The following SGCZ variants were observed in gnomAD, a reference collection of about 807,000 sequenced individuals.
SGCZ encodes sarcoglycan zeta.
In SGCZ, 40 loss-of-function variants were observed where a neutral mutation model predicts 41.3. That is an observed-to-expected ratio of 0.97 (90% CI 0.75 to 1.26). The LOEUF is 1.26. SGCZ is among the 50% of genes most tolerant of loss of function. The probability of loss-of-function intolerance (pLI) is 0.00; values close to 1 mark genes in which losing one functional copy is unlikely to be tolerated. For synonymous variants in SGCZ, 206 were observed against 137.5 expected, an observed-to-expected ratio of 1.50 and a Z score of -3.49; for missense variants, 552 against 369.8, an observed-to-expected ratio of 1.49 and a Z score of -4.04.
intron 1 of SGCZ, among the ~76,000 whole-genome samples, chr8:14,582,988 T>C (rs567804987): frequency 2.0e-5 from 3 of 151,856 alleles, no homozygotes; most frequent in East Asian, 3.9e-4. Context: ...TGTGTCTTTA[T>C]AGCAGCATGA....
intron 5 of SGCZ, among the ~76,000 whole-genome samples, chr8:14,140,020 G>T (rs987568046): frequency 3.9e-5 from 6 of 151,912 alleles, no homozygotes; most frequent in Non-Finnish European, 8.8e-5. Flanking sequence ...GGGATGCAAG[G>T]CTGGTTCAAC....
At chr8:14,466,750 A>G (rs1801061768) in intron 2 of SGCZ, among the ~76,000 whole-genome samples, 1 of 151,740 alleles carries the variant, frequency 6.6e-6, no homozygotes, top group African/African-American at 2.4e-5. Context: ...AAATCCTCTA[A>G]TAACTTTTTG....
intron 1 of SGCZ, among the ~76,000 whole-genome samples, chr8:14,817,344 A>G (rs1239164426): frequency 2.0e-5 from 3 of 152,248 alleles, no homozygotes; most frequent in African/African-American, 7.2e-5. Flanking sequence ...CACAAAATAC[A>G]AGCAATCTTT....
intron 1 of SGCZ, among the ~76,000 whole-genome samples, chr8:14,978,055 T>C (rs1801538474): frequency 6.6e-6 from 1 of 152,166 alleles, no homozygotes; most frequent in African/African-American, 2.4e-5. Context: ...CTGAAGTTTC[T>C]TTTCCTGTCG....
chr8:14,515,506 T>C (rs994889656), intron 2 of SGCZ, among the ~76,000 whole-genome samples: 10 of 152,104 alleles, frequency 6.6e-5, no homozygotes, highest in Non-Finnish European at 8.8e-5. Context: ...TATTTCTATA[T>C]AGTCAAGTAC....
At chr8:14,482,469 C>A (rs1022837280) in intron 2 of SGCZ, among the ~76,000 whole-genome samples, 2 of 152,126 alleles carry the variant, frequency 1.3e-5, no homozygotes, top group African/African-American at 4.8e-5. Flanking sequence ...CCTTACCGCT[C>A]TCAGAAACAA....
rs563338239 is a variant in SGCZ at position 14,731,293 on chromosome 8, C to T, written c.40-176367G>A. ...AGCAAACTAACACAGGAACAGAAAA[C>T]CAAACACCACATGTTCCCACTCATA... On this transcript the variant is annotated intron_variant, in intron 1 of 7. Transcript: ENST00000382080. Among the ~76,000 whole-genome samples the T allele has an allele frequency of 1.3e-4, 20 of 148,706 alleles. 1 individual carries two copies. The highest frequency in any genetic ancestry group is 5.0e-4 in the African/African-American group (20 of 39,694).
intron 4 of SGCZ, among the ~76,000 whole-genome samples, chr8:14,182,330 A>C (rs976355535): frequency 1.3e-5 from 2 of 152,192 alleles, no homozygotes; most frequent in Non-Finnish European, 2.9e-5. Flanking sequence ...GAATCCATAC[A>C]TCCTGGAGAG....
At chr8:14,107,562 T>C (rs1305693675) in intron 6 of SGCZ, among the ~76,000 whole-genome samples, 3 of 152,184 alleles carry the variant, frequency 2.0e-5, no homozygotes, top group African/African-American at 7.2e-5. Flanking sequence ...ATTTGCCCTG[T>C]CTTTATTCCT....
intron 1 of SGCZ, among the ~76,000 whole-genome samples, chr8:15,058,648 C>T (rs563003154): frequency 6.6e-6 from 1 of 152,272 alleles, no homozygotes; most frequent in South Asian, 2.1e-4. Flanking sequence ...AGCTCTTCTT[C>T]CCAGATGTTT....
Position 14,090,447 on chromosome 8 carries a change from C to T in SGCZ, c.935G>A (p.Ser312Asn). 6.2e-7 allele frequency: 1 copy of T among 1,611,344 alleles called. No individual in the cohort carries two copies. The highest frequency in any genetic ancestry group is 8.5e-7 in the Non-Finnish European group (1 of 1,178,624). ...CQSSSNICLW[S>N] Reference sequence around the variant, plus strand: ...TGTGAGGAGAAATCAGTCACTTCAGCTCCACAGGCAGATGTTGCTACTGGA... The same window carrying T: ...TGTGAGGAGAAATCAGTCACTTCAGTTCCACAGGCAGATGTTGCTACTGGA... The change falls in exon 8 of 8, where the codon AGC (serine) becomes AAC (asparagine). Residue 312 changes from serine (S) to asparagine (N), a missense_variant. Physicochemically the swap from Ser to Asn is conservative, Grantham distance 46 (BLOSUM62 1). Coordinates refer to ENST00000382080, the MANE Select transcript of SGCZ (RefSeq NM_139167.4).
chr8:14,692,484 A>G (rs1808830447), intron 1 of SGCZ, among the ~76,000 whole-genome samples: 1 of 152,172 alleles, frequency 6.6e-6, no homozygotes, highest in Non-Finnish European at 1.5e-5. Context: ...AATACCATAT[A>G]GGAAAGTAAT....
chr8:15,143,440 T>G (rs78188834), intron 1 of SGCZ, among the ~76,000 whole-genome samples: 1 of 152,222 alleles, frequency 6.6e-6, no homozygotes, highest in African/African-American at 2.4e-5. Flanking sequence ...ATGAAATGTA[T>G]TTAAGAGAAT....
At chr8:14,353,545 G>A (rs938639188) in intron 2 of SGCZ, among the ~76,000 whole-genome samples, 9 of 152,114 alleles carry the variant, frequency 5.9e-5, no homozygotes, top group East Asian at 5.8e-4. Context: ...ATCATTCTGC[G>A]AATGGATAGG....
At chr8:14,599,169 C>G (rs1462177271) in intron 1 of SGCZ, among the ~76,000 whole-genome samples, 2 of 152,138 alleles carry the variant, frequency 1.3e-5, no homozygotes, top group Non-Finnish European at 2.9e-5. Context: ...ACCTCTGTCT[C>G]TTATCTCTTA....
intron 1 of SGCZ, among the ~76,000 whole-genome samples, chr8:15,237,164 C>G (rs1802154540): frequency 6.6e-6 from 1 of 152,172 alleles, no homozygotes; most frequent in Admixed American, 6.5e-5. Context: ...CAGGCGGGAT[C>G]GGAGCCGGGA....
At chr8:14,752,466 CTTT>C (rs1415805326) in intron 1 of SGCZ, among the ~76,000 whole-genome samples, 1 of 152,100 alleles carries the variant, frequency 6.6e-6, no homozygotes, top group Non-Finnish European at 1.5e-5. Context: ...TCATTATTCT[CTTT>C]TTATTTAAAT....
intron 2 of SGCZ, among the ~76,000 whole-genome samples, chr8:14,362,332 C>T (rs962361550): frequency 3.3e-5 from 5 of 152,302 alleles, no homozygotes; most frequent in Admixed American, 3.3e-4. Context: ...GGGGCTCTGC[C>T]CAGTTCGAGC....
intron 2 of SGCZ, among the ~76,000 whole-genome samples, chr8:14,544,429 G>A (rs377377772): frequency 3.1e-4 from 47 of 152,162 alleles, no homozygotes; most frequent in African/African-American, 1.1e-3. Flanking sequence ...ATTGCCTGCG[G>A]GGTCGGGGAA....
Sources: allele counts gnomAD v4.1 joint callset (sites outside exome capture counted in the v4.1 genomes callset), GRCh38; gene constraint gnomAD v4.1.1; transcripts MANE v1.5; gene names NCBI Gene and HGNC (gene_info 2026-07-23, HGNC 2026-07-21).